Variants in VDAC3 observed in about 807,000 individuals in gnomAD.
VDAC3 encodes the protein non-selective voltage-gated ion channel VDAC3.
VDAC3 carries 7 observed loss-of-function variants against 33.9 expected under a neutral mutation model. That is an observed-to-expected ratio of 0.21 (90% CI 0.12 to 0.39). The LOEUF (loss-of-function observed/expected upper bound fraction) is 0.39, where lower values mean the gene tolerates loss of function less well. VDAC3 is among the 10% of genes least tolerant of loss of function. VDAC3 has a pLI of 1.00. For synonymous variants in VDAC3, 100 were observed against 122.4 expected (o/e 0.82, Z 1.21); for missense variants, 261 against 334.5 (o/e 0.78, Z 1.71).
intron 1 of VDAC3, among the ~76,000 whole-genome samples, chr8:42,392,490 T>C (rs1051631767): frequency 2.0e-5 from 3 of 152,238 alleles, no homozygotes; most frequent in African/African-American, 7.2e-5. Context: ...TGGTTGTAGC[T>C]TTACTCTCGA....
At chr8:42,403,488 T>C (rs372444030) in intron 8 of VDAC3, 27 bp downstream of exon 8, 19 of 1,526,698 alleles carry the variant, frequency 1.2e-5, no homozygotes, top group Non-Finnish European at 1.7e-5. Flanking sequence ...AGATTGGATC[T>C]GCTCTTATGT....
intron 7 of VDAC3, 191 bp downstream of exon 7, chr8:42,402,206 T>A: frequency 3.1e-6 from 2 of 639,828 alleles, no homozygotes; most frequent in Admixed American, 2.9e-5. Flanking sequence ...CTGCTGGTGG[T>A]CACTGGCCCC....
In VDAC3 at chr8:42,403,027, G is replaced by A. The variant is rs879758909; in HGVS notation, c.552-284G>A. ...AGAGACCTATAGATTATACTTACCCGAGGTGTCTGCCTTTGTGCTTAATTG... is the reference window on the plus strand; with the variant it reads ...AGAGACCTATAGATTATACTTACCCAAGGTGTCTGCCTTTGTGCTTAATTG... On this transcript the variant is annotated intron_variant, in intron 7 of 9. Transcript: ENST00000022615. 1.6e-5 allele frequency: 6 copies of A among 377,212 alleles called. No individual in the cohort carries two copies. The Admixed American group carries it at 2.7e-4, about 17-fold the overall frequency. 23.4% of individuals were successfully genotyped at this position (377,212 alleles called of 1,614,324 possible).
chr8:42,393,795 T>C, intron 1 of VDAC3, 50 bp from the exon 2 acceptor site: 1 of 405,488 alleles, frequency 2.5e-6, no homozygotes, highest in Non-Finnish European at 4.4e-6. Flanking sequence ...AGGATTTTGA[T>C]TGCATCTTTT....
chr8:42,393,486 T>G (rs1802247300), intron 1 of VDAC3, among the ~76,000 whole-genome samples: 1 of 152,200 alleles, frequency 6.6e-6, no homozygotes, highest in African/African-American at 2.4e-5. Flanking sequence ...TGTTGATAGC[T>G]CTGAGAATTT....
Sources: allele counts gnomAD v4.1 joint callset (sites outside exome capture counted in the v4.1 genomes callset), GRCh38; gene constraint gnomAD v4.1.1; transcripts MANE v1.5; gene names NCBI Gene and HGNC (gene_info 2026-07-23, HGNC 2026-07-21).